PDZD8: variants seen among roughly 807,000 people sequenced by gnomAD.
PDZD8 encodes the protein PDZ domain-containing protein 8.
A neutral mutation model predicts 85.8 loss-of-function variants in PDZD8; 14 were observed. That is an observed-to-expected ratio of 0.16 (90% confidence interval 0.11 to 0.26). PDZD8 has a LOEUF of 0.26. Ranked by LOEUF, PDZD8 falls within the 10% of genes least tolerant of loss-of-function variation. The probability of loss-of-function intolerance (pLI) is 1.00; values close to 1 mark genes in which losing one functional copy is unlikely to be tolerated. For synonymous variants in PDZD8, 592 were observed against 568.6 expected, an observed-to-expected ratio of 1.04 and a Z score of -0.59; for missense variants, 1,197 against 1,424.3, an observed-to-expected ratio of 0.84 and a Z score of 2.57.
intron 1 of PDZD8, among the ~76,000 whole-genome samples, chr10:117,369,705 G>A (rs902357517): frequency 6.6e-6 from 1 of 152,084 alleles, no homozygotes; most frequent in African/African-American, 2.4e-5. Flanking sequence ...ACTCCACCTA[G>A]GAGCTTACAC....
intron 3 of PDZD8, among the ~76,000 whole-genome samples, chr10:117,306,494 A>G (rs1843946129): frequency 1.3e-5 from 2 of 152,196 alleles, no homozygotes; most frequent in African/African-American, 4.8e-5. Context: ...GGTGAACAAC[A>G]GAGTAGAACA....
chr10:117,310,282 T>G (rs1335632844), intron 3 of PDZD8, among the ~76,000 whole-genome samples: 1 of 152,148 alleles, frequency 6.6e-6, no homozygotes, highest in African/African-American at 2.4e-5. Flanking sequence ...CCCAAAAGAA[T>G]GTTACTTCTC....
chr10:117,289,279 T>G (rs1844717401), intron 4 of PDZD8, among the ~76,000 whole-genome samples: 1 of 152,264 alleles, frequency 6.6e-6, no homozygotes, highest in South Asian at 2.1e-4. Flanking sequence ...ATTATTTTAT[T>G]GTCAAGGTGG....
chr10:117,373,606 A>C (rs1344178879), intron 1 of PDZD8, among the ~76,000 whole-genome samples: 1 of 60,870 alleles, frequency 1.6e-5, no homozygotes, highest in Admixed American at 1.3e-4. Context: ...AAAAAATACA[A>C]AAAAAAAAAA....
intron 3 of PDZD8, among the ~76,000 whole-genome samples, chr10:117,307,140 T>C (rs1212136742): frequency 6.6e-6 from 1 of 152,116 alleles, no homozygotes; most frequent in Non-Finnish European, 1.5e-5. Flanking sequence ...ATGTGAGCAA[T>C]GGGTGTATGT....
intron 1 of PDZD8, among the ~76,000 whole-genome samples, chr10:117,341,484 T>C (rs78024778): frequency 0.015 from 2,333 of 152,248 alleles, 38 homozygotes; most frequent in Non-Finnish European, 0.019. Context: ...TACAGTCCCC[T>C]TGGCATCCAT....
intron 1 of PDZD8, among the ~76,000 whole-genome samples, chr10:117,348,611 T>A (rs1844748221): frequency 6.6e-6 from 1 of 152,182 alleles, no homozygotes; most frequent in Non-Finnish European, 1.5e-5. Context: ...CTCACAGACT[T>A]TTCTCCATGT....
intron 3 of PDZD8, among the ~76,000 whole-genome samples, chr10:117,314,925 G>A (rs1401059868): frequency 6.6e-6 from 1 of 152,236 alleles, no homozygotes; most frequent in Non-Finnish European, 1.5e-5. Flanking sequence ...AGCGTGGTAG[G>A]TTGAAGGAAG....
chr10:117,293,155 C>G (rs1243414132), intron 3 of PDZD8, among the ~76,000 whole-genome samples: 1 of 151,896 alleles, frequency 6.6e-6, no homozygotes, highest in Non-Finnish European at 1.5e-5. Context: ...AGGTTCAAGA[C>G]CATGCAATGA....
chr10:117,370,140 A>C lies in PDZD8; in HGVS notation c.872+4216T>G, dbSNP rs887340. Among the ~76,000 whole-genome samples, 445 of 152,340 alleles carry C rather than the reference A, an allele frequency of 2.9e-3. 2 individuals are homozygous for C. Among genetic ancestry groups the C allele is most frequent in the African/African-American group, 0.01 (418 of 41,574 alleles). ...ATTATAATATACTATTTTAATTAAA[A>C]AATCAAACCAATTAACATTGAGGTG... On this transcript the variant is annotated intron_variant, in intron 1 of 4. Transcript: ENST00000334464.
chr10:117,340,060 A>T (rs1292567780), intron 2 of PDZD8, among the ~76,000 whole-genome samples: 1 of 152,224 alleles, frequency 6.6e-6, no homozygotes, highest in East Asian at 1.9e-4. Context: ...AGCTCAAGCA[A>T]GATATGAATA....
Position 117,374,505 on chromosome 10 carries a change from C to T in PDZD8, c.723G>A (p.Trp241Ter), listed in dbSNP as rs1235867333. 6.2e-7 allele frequency: 1 copy of T among 1,613,186 alleles called. No homozygotes were observed. The highest frequency in any genetic ancestry group is 1.7e-5 in the Admixed American group (1 of 59,818). Residue 241 changes from tryptophan to a stop codon, truncating the protein, a stop_gained, in exon 1 of 5, where the codon TGG becomes TGA. Coordinates refer to ENST00000334464, the MANE Select transcript of PDZD8 (RefSeq NM_173791.5). LOFTEE classifies it high-confidence loss of function. This position sits in a 1 kb window ranked among gnomAD's most constrained non-coding sequence, Gnocchi z 7.8. ...LVFTRVPFTH[W>*]FFSFVEDPLI... is the part of the protein sequence containing the mutation. ...GCGGGTCTTCCACGAAGGAGAAGAA[C>T]CAGTGGGTGAAGGGCACGCGCGTAA...
At chr10:117,325,179 A>G (rs966935239) in intron 2 of PDZD8, among the ~76,000 whole-genome samples, 1 of 152,064 alleles carries the variant, frequency 6.6e-6, no homozygotes, top group Non-Finnish European at 1.5e-5. Flanking sequence ...TGAATACAAC[A>G]GCCCAGCCGG....
chr10:117,351,029 T>C (rs900862845), intron 1 of PDZD8, among the ~76,000 whole-genome samples: 2 of 152,182 alleles, frequency 1.3e-5, no homozygotes, highest in South Asian at 2.1e-4. Flanking sequence ...TTAAGTTACA[T>C]GCATTAAGTA....
chr10:117,299,180 G>T, intron 3 of PDZD8, among the ~76,000 whole-genome samples: 1 of 152,110 alleles, frequency 6.6e-6, no homozygotes, highest in Non-Finnish European at 1.5e-5. Context: ...TATAAATGGT[G>T]AAAGTTTGCC....
At chr10:117,320,820 A>G (rs1386962455) in intron 2 of PDZD8, among the ~76,000 whole-genome samples, 3 of 152,170 alleles carry the variant, frequency 2.0e-5, no homozygotes, top group African/African-American at 4.8e-5. Context: ...TCAACAATAA[A>G]AAGACAAATA....
At chr10:117,358,260 A>ATTT (rs1313434001) in intron 1 of PDZD8, among the ~76,000 whole-genome samples, 1 of 152,148 alleles carries the variant, frequency 6.6e-6, no homozygotes, top group Non-Finnish European at 1.5e-5. Context: ...TTATAAGTGA[A>ATTT]ATATCACTAT....
Position 117,278,884 on chromosome 10 carries a change from A to G in PDZD8, c.*4384T>C, listed in dbSNP as rs538649908. 6 of 152,290 alleles carry G rather than the reference A, an allele frequency of 3.9e-5. No homozygotes were observed. The highest frequency in any genetic ancestry group is 1.4e-4 in the African/African-American group (6 of 41,562). The allele number at this position is 152,290 out of a possible 1,614,324, so 9.4% of individuals were successfully genotyped here. ...CCACTTTGGAAGATGGCTCTGGAGG[A>G]AACTCTCATATGGCTAAAAAGGCAG... On this transcript the variant is annotated 3_prime_UTR_variant, in exon 5 of 5. Coordinates refer to ENST00000334464, the MANE Select transcript of PDZD8 (RefSeq NM_173791.5).
At chr10:117,367,751 T>C (rs775503998) in intron 1 of PDZD8, among the ~76,000 whole-genome samples, 3 of 151,954 alleles carry the variant, frequency 2.0e-5, no homozygotes, top group African/African-American at 2.4e-5. Flanking sequence ...CTGCCCAACA[T>C]GGCAAAACCC....
Sources: allele counts gnomAD v4.1 joint callset (sites outside exome capture counted in the v4.1 genomes callset), GRCh38; gene constraint gnomAD v4.1.1; non-coding constraint Gnocchi (gnomAD v3.1); transcripts MANE v1.5; gene names NCBI Gene and HGNC (gene_info 2026-07-23, HGNC 2026-07-21).